The following DGKZ variants were observed in gnomAD, a reference collection of about 807,000 sequenced individuals.
DGKZ encodes diacylglycerol kinase zeta.
In DGKZ, 45 loss-of-function variants were observed where a neutral mutation model predicts 142.5. The ratio of observed to expected loss-of-function variants is 0.32; its 90% confidence interval spans 0.25 to 0.40. The LOEUF (loss-of-function observed/expected upper bound fraction) is 0.40. Ranked by LOEUF, DGKZ falls within the 10% of genes least tolerant of loss-of-function variation. The pLI is 1.00. For missense variants in DGKZ, 755 were observed against 1,306.5 expected (o/e 0.58, Z 6.51); for synonymous variants, 442 against 527.0 (o/e 0.84, Z 2.21).
chr11:46,374,128 C>G, intron 14 of DGKZ, 29 bp from the exon 15 acceptor site: 1 of 1,613,418 alleles, frequency 6.2e-7, no homozygotes, highest in Non-Finnish European at 8.5e-7. Flanking sequence ...AGGCCCAGCC[C>G]TCATTTTGGT....
chr11:46,342,984 C>T (rs555521316), upstream of DGKZ, among the ~76,000 whole-genome samples: 18 of 152,214 alleles, frequency 1.2e-4, no homozygotes, highest in African/African-American at 4.3e-4. Flanking sequence ...ATTAGCTGGG[C>T]ATGGTAGCGC....
intron 6 of DGKZ, among the ~76,000 whole-genome samples, chr11:46,370,857 G>GT: frequency 2.6e-5 from 4 of 152,322 alleles, no homozygotes; most frequent in Admixed American, 2.6e-4. Flanking sequence ...GCTGAGGTGG[G>GT]TGGATCACCT....
Position 46,377,298 on chromosome 11 carries a change from C to T in DGKZ, c.2342+86C>T, listed in dbSNP as rs968460633. The T allele has an allele frequency of 2.7e-6, 4 of 1,472,326 alleles. No homozygotes were observed. The African/African-American group carries it at 4.3e-5, about 16-fold the overall frequency. The allele number at this position is 1,472,326 out of a possible 1,614,324, so 91.2% of individuals were successfully genotyped here. A position where few individuals can be genotyped will look rare whatever the true frequency, so the allele number is the denominator to read the frequency against. ...ACTTCTGAATCCCTGCTTCTAGCCC[C>T]TCCACCAGTTAACTAAATGGTGTCA... On this transcript the variant is annotated intron_variant, in intron 25 of 30. Transcript: ENST00000527911.
At position 46,379,264 on chromosome 11, in the gene DGKZ, G is replaced by A. The variant is rs763999653; in HGVS notation, c.2573+28G>A. 2.2e-5 allele frequency: 35 copies of A among 1,612,838 alleles called. No individual in the cohort carries two copies. In the Admixed American group the frequency reaches 4.7e-4, roughly 22 times the overall value. The stretch of plus-strand genomic sequence containing the variant: ...AAGTATCTGGGCAGTGCAGAACCGT[G>A]GTCACCCCGGAAACCACCCTTTTCC... On this transcript the variant is annotated intron_variant, in intron 29 of 30. Coordinates refer to ENST00000527911, the Ensembl canonical transcript of DGKZ.
chr11:46,376,577 A>G lies in DGKZ; in HGVS notation c.2202+13A>G. Reference sequence around the variant, plus strand: ...CGACCGAGCCCAGGTGAGCGATTGCAGGCCTGCTCCAGCCACAGCTGCTTC... The same window carrying G: ...CGACCGAGCCCAGGTGAGCGATTGCGGGCCTGCTCCAGCCACAGCTGCTTC... On this transcript the variant is annotated intron_variant, in intron 24 of 30. Transcript: ENST00000527911. The G allele has an allele frequency of 6.2e-7, 1 of 1,613,220 alleles. No homozygotes were observed. Among genetic ancestry groups the G allele is most frequent in the East Asian group, 2.2e-5 (1 of 44,888 alleles).
chr11:46,347,330 C>A (rs1277790638), upstream of DGKZ: 2 of 984,932 alleles, frequency 2.0e-6, no homozygotes, highest in Non-Finnish European at 2.4e-6. The surrounding 1 kb of genome is among the most constrained non-coding windows in gnomAD (Gnocchi z 6.4). Flanking sequence ...ACCGCCCCAG[C>A]GGGCTGCAGC....
exon 8 of DGKZ, chr11:46,371,525 C>G: frequency 1.2e-6 from 2 of 1,609,470 alleles, no homozygotes; most frequent in Non-Finnish European, 1.7e-6. Flanking sequence ...TGCAGCAGAT[C>G]GAGGAGCCGT....
chr11:46,378,378 C>T (rs368629184), intron 26 of DGKZ, 79 bp from the exon 27 acceptor site: 115 of 1,545,644 alleles, frequency 7.4e-5, no homozygotes, highest in African/African-American at 7.0e-4. Flanking sequence ...CATGCCTGGC[C>T]GGCACAGTCC....
At chr11:46,379,441 G>C in intron 29 of DGKZ, 28 bp from the exon 30 acceptor site, 1 of 1,600,112 alleles carries the variant, frequency 6.2e-7, no homozygotes, top group Non-Finnish European at 8.5e-7. Flanking sequence ...GACGGGATGG[G>C]GTACACAGCC....
chr11:46,346,930 G>C (rs1940678991), upstream of DGKZ, among the ~76,000 whole-genome samples: 1 of 152,200 alleles, frequency 6.6e-6, no homozygotes, highest in South Asian at 2.1e-4. Context: ...CTGAGTGCGA[G>C]AGGCTGGGGT....
chr11:46,346,126 G>T (rs1460483752), upstream of DGKZ, among the ~76,000 whole-genome samples: 1 of 152,198 alleles, frequency 6.6e-6, no homozygotes, highest in Admixed American at 6.5e-5. Flanking sequence ...ACTGGGAGAG[G>T]GTTCTGGGCC....
upstream of DGKZ, among the ~76,000 whole-genome samples, chr11:46,342,843 G>A (rs746010733): frequency 2.0e-5 from 3 of 152,194 alleles, no homozygotes; most frequent in Admixed American, 6.5e-5. Context: ...GGAAAATAAG[G>A]CCAGGTGCGG....
chr11:46,350,912 C>T (rs1408009093), intron 1 of DGKZ, among the ~76,000 whole-genome samples: 1 of 151,480 alleles, frequency 6.6e-6, no homozygotes, highest in Non-Finnish European at 1.5e-5. Context: ...TGGATTCCTC[C>T]CACCCCAACT....
At chr11:46,363,428 C>T (rs911633062) in intron 1 of DGKZ, among the ~76,000 whole-genome samples, 8 of 152,330 alleles carry the variant, frequency 5.3e-5, no homozygotes, top group Non-Finnish European at 8.8e-5. Flanking sequence ...AGTCACACAG[C>T]ACTGCCGGCC....
rs774070488 is a variant in DGKZ, at chr11:46,372,768, C to T, written c.1072-3C>T. 4.4e-6 allele frequency: 7 copies of T among 1,607,250 alleles called. No homozygotes were observed. The highest frequency in any genetic ancestry group is 5.9e-6 in the Non-Finnish European group (7 of 1,177,120). ...TGATTTGCCTCTGTTCTTCCTCCCCCAGGTGGGCTGGATCCTCTCCACCCT... is the reference window on the plus strand; with the variant it reads ...TGATTTGCCTCTGTTCTTCCTCCCCTAGGTGGGCTGGATCCTCTCCACCCT... On this transcript the variant is annotated splice_polypyrimidine_tract_variant and splice_region_variant and intron_variant, in intron 12 of 30. Coordinates refer to ENST00000527911, the Ensembl canonical transcript of DGKZ. This position sits in a 1 kb window ranked among gnomAD's most constrained non-coding sequence, Gnocchi z 5.9.
At chr11:46,355,399 C>T (rs1030445791) in intron 1 of DGKZ, among the ~76,000 whole-genome samples, 2 of 152,098 alleles carry the variant, frequency 1.3e-5, no homozygotes, top group East Asian at 1.9e-4. Context: ...TGAGCCACCG[C>T]GCCCGGCTAT....
chr11:46,379,865 A>G lies in DGKZ; in HGVS notation c.2723A>G (p.Gln908Arg), dbSNP rs763520966. ...CCCCGGCAGCGGGCTGAGAAGGCTC[A>G]GGACACCGAGCTGGCCGCCTACCTG... Residue 908 changes from glutamine to arginine, a missense_variant, in exon 31 of 31, where the codon CAG becomes CGG. By Grantham distance (43) the Gln-to-Arg change is conservative. Transcript: ENST00000527911. 1.4e-4 allele frequency: 226 copies of G among 1,610,620 alleles called. No homozygotes were observed. In the Admixed American group the frequency reaches 3.6e-3, roughly 26 times the overall value.
At chr11:46,369,662 CACTGAGGTCTG>C in intron 5 of DGKZ, 112 bp downstream of exon 5, 1 of 1,399,084 alleles carries the variant, frequency 7.1e-7, no homozygotes, top group Non-Finnish European at 1.0e-6. Flanking sequence ...GGCTGCTGCT[CACTGAGGTCTG>C]TCTGAGGTCT....
rs773075223 is a variant in DGKZ at position 46,333,476 on chromosome 11, G to A, written c.201G>A (p.Gln67=). 4.5e-6 allele frequency: 7 copies of A among 1,540,936 alleles called. No individual in the cohort carries two copies. The South Asian group carries it at 7.2e-5, about 16-fold the overall frequency. ...TCCGCCAGCTGCACCTACGAAAGCA[G>A]GTGTCTTACAGGTAAGGAGGACGTG... The change falls in exon 1 of 31, where the codon CAG becomes CAA. Residue 67 remains glutamine, a synonymous_variant. Coordinates refer to the DGKZ transcript ENST00000343674.
Sources: gnomAD v4.1 joint callset for allele counts (sites outside exome capture counted in the v4.1 genomes callset) on GRCh38, gnomAD v4.1.1 for gene constraint, Gnocchi (gnomAD v3.1) non-coding constraint, MANE v1.5 for transcripts, NCBI Gene and HGNC (gene_info 2026-07-23, HGNC 2026-07-21) for gene names.